TMTC4: variants seen among roughly 807,000 people sequenced by gnomAD.
The protein encoded by TMTC4 is transmembrane O-mannosyltransferase targeting cadherins 4.
In TMTC4, 65 loss-of-function variants were observed where a neutral mutation model predicts 86.0. The ratio of observed to expected loss-of-function variants is 0.76; its 90% CI spans 0.62 to 0.93. The LOEUF is 0.93. Among genes scored for constraint, TMTC4 ranks in the 40% least tolerant of loss-of-function variants. The pLI is 0.00. For missense variants in TMTC4, 866 were observed against 948.1 expected (o/e 0.91, Z 1.14); for synonymous variants, 379 against 382.5 (o/e 0.99, Z 0.11).
chr13:100,630,863 T>G (rs1308775292), intron 12 of TMTC4, among the ~76,000 whole-genome samples: 1 of 152,218 alleles, frequency 6.6e-6, no homozygotes, highest in African/African-American at 2.4e-5. Flanking sequence ...CGTGGGACTC[T>G]GGAACAGGAA....
chr13:100,656,542 C>CATTTTTTTTTTTTTTTTTT, intron 5 of TMTC4, 74 bp from the exon 6 acceptor site: 2 of 384,138 alleles, frequency 5.2e-6, no homozygotes, highest in Non-Finnish European at 8.4e-6. Context: ...GGAGACATAA[C>CATTTTTTTTTTTTTTTTTT]TTTTTTTTTT....
At chr13:100,653,446 G>A (rs1447444132) in intron 6 of TMTC4, among the ~76,000 whole-genome samples, 2 of 152,266 alleles carry the variant, frequency 1.3e-5, no homozygotes, top group African/African-American at 4.8e-5. Flanking sequence ...GGTGGACGGG[G>A]ATAGGCATCC....
chr13:100,660,032 T>C (rs985379483), intron 5 of TMTC4, among the ~76,000 whole-genome samples: 1 of 151,160 alleles, frequency 6.6e-6, no homozygotes, highest in African/African-American at 2.4e-5. Flanking sequence ...AATGTTAATA[T>C]AAAGAAATTC....
At chr13:100,670,336 G>A (rs768868705) in intron 2 of TMTC4, 24 bp downstream of exon 2, 30 of 1,607,882 alleles carry the variant, frequency 1.9e-5, no homozygotes, top group Non-Finnish European at 2.3e-5. Flanking sequence ...GATGGAGACA[G>A]ATCCAACAGG....
chr13:100,660,253 C>T (rs544520077), intron 5 of TMTC4, among the ~76,000 whole-genome samples: 309 of 151,164 alleles, frequency 2.0e-3, no homozygotes, highest in Non-Finnish European at 3.9e-3. Flanking sequence ...ATCACTTGAA[C>T]CTGGGAGGTG....
Position 100,663,052 on chromosome 13 carries a change from G to A in TMTC4, c.464C>T (p.Thr155Ile). The part of the protein sequence containing the change: ...FSVLFGGLQY[T>I]SKGRRLHLAP... Reference sequence around the variant, plus strand: ...GAGGTGCAGCCTCCGGCCTTTACTGGTGTACTGCAGGCCGCCAAACAGAAC... The same window carrying A: ...GAGGTGCAGCCTCCGGCCTTTACTGATGTACTGCAGGCCGCCAAACAGAAC... The change falls in exon 5 of 19, where the codon ACC (threonine) becomes ATC (isoleucine). Residue 155 changes from threonine (T) to isoleucine (I), a missense_variant. Coordinates refer to ENST00000342624, the MANE Select transcript of TMTC4 (RefSeq NM_032813.5). The A allele has an allele frequency of 1.2e-6, 2 of 1,614,224 alleles. No homozygotes were observed. Among genetic ancestry groups the A allele is most frequent in the Non-Finnish European group, 1.7e-6 (2 of 1,180,042 alleles).
At chr13:100,673,369 T>C (rs1269456952) in intron 1 of TMTC4, 1 of 985,140 alleles carries the variant, frequency 1.0e-6, no homozygotes, top group Non-Finnish European at 1.2e-6. Flanking sequence ...AATATTCCCC[T>C]CCATGCATCC....
intron 5 of TMTC4, among the ~76,000 whole-genome samples, chr13:100,657,255 C>G (rs1221987580): frequency 1.3e-5 from 2 of 152,206 alleles, no homozygotes; most frequent in African/African-American, 4.8e-5. Flanking sequence ...AGCCGTCCTG[C>G]CGATAGAAAA....
At chr13:100,615,751 C>T (rs1180555740) in intron 15 of TMTC4, among the ~76,000 whole-genome samples, 5 of 152,210 alleles carry the variant, frequency 3.3e-5, no homozygotes, top group Admixed American at 6.5e-5. Flanking sequence ...CCGCACTCGG[C>T]CTTCAACTTT....
In TMTC4 at chr13:100,670,351, G is replaced by A. The variant is rs541900231; in HGVS notation, c.3+9C>T. The A allele has an allele frequency of 4.1e-5, 66 of 1,609,022 alleles. No homozygotes were observed. In the African/African-American group the frequency reaches 4.5e-4, roughly 11 times the overall value. ...GATGGAGACAGATCCAACAGGCAAC[G>A]GGACACACCATTCCATGGTGATGCT... On this transcript the variant is annotated intron_variant, in intron 2 of 18. Transcript: ENST00000342624.
At chr13:100,637,815 A>G in intron 8 of TMTC4, 113 bp from the exon 9 acceptor site, 1 of 1,540,972 alleles carries the variant, frequency 6.5e-7, no homozygotes, top group Non-Finnish European at 8.8e-7. Flanking sequence ...CTGTGCTTTA[A>G]AAGGCTGGTT....
chr13:100,673,929 T>G (rs1258717432), intron 1 of TMTC4: 15 of 658,478 alleles, frequency 2.3e-5, no homozygotes, highest in East Asian at 2.7e-4. Context: ...ATGCATTTAT[T>G]TGCTCTCCCG....
chr13:100,640,486 C>T (rs1221704207), intron 7 of TMTC4, among the ~76,000 whole-genome samples: 1 of 152,064 alleles, frequency 6.6e-6, no homozygotes, highest in Admixed American at 6.5e-5. Context: ...TAATTTTTGC[C>T]TTGACTTGTA....
intron 2 of TMTC4, 120 bp downstream of exon 2, chr13:100,670,240 C>T: frequency 8.9e-7 from 1 of 1,126,102 alleles, no homozygotes; most frequent in South Asian, 1.6e-5. Flanking sequence ...TAAGTGGATA[C>T]CCCAGATTAT....
intron 3 of TMTC4, 120 bp from the exon 4 acceptor site, chr13:100,664,456 G>T: frequency 1.6e-6 from 1 of 624,466 alleles, no homozygotes. Flanking sequence ...TGCCCAACAT[G>T]TTCTCTATGT....
At chr13:100,660,576 G>A (rs1178571308) in intron 5 of TMTC4, among the ~76,000 whole-genome samples, 2 of 151,974 alleles carry the variant, frequency 1.3e-5, no homozygotes, top group South Asian at 2.1e-4. Flanking sequence ...CTGGCTCCTC[G>A]GTGTTGGTCA....
rs1878137842 is a variant in TMTC4 at position 100,614,378 on chromosome 13, G to A, written c.1889C>T (p.Thr630Ile). The change falls in exon 16 of 19, where the codon ACC becomes ATC. Residue 630 changes from threonine to isoleucine, a missense_variant. Thr to Ile is a moderately conservative substitution (Grantham distance 89). Coordinates refer to ENST00000342624, the MANE Select transcript of TMTC4 (RefSeq NM_032813.5). ...CAGGCTGTGCTCTGGTTTCAGCACG[G>A]TGGCATTTCTCCACGCATTCAAGGC... ...VDALNAWRNATVLKPEHSLAW... is the reference protein window; with the variant it reads ...VDALNAWRNAIVLKPEHSLAW... The A allele has an allele frequency of 3.1e-6, 5 of 1,613,510 alleles. No individual in the cohort carries two copies. Among genetic ancestry groups the A allele is most frequent in the Non-Finnish European group, 3.4e-6 (4 of 1,179,946 alleles).
Position 100,614,347 on chromosome 13 carries a change from C to G in TMTC4, c.1920G>C (p.Trp640Cys). The G allele has an allele frequency of 6.2e-7, 1 of 1,613,780 alleles. No homozygotes were observed. The highest frequency in any genetic ancestry group is 8.5e-7 in the Non-Finnish European group (1 of 1,179,940). The change falls in exon 16 of 19, where the codon TGG becomes TGC. Residue 640 changes from tryptophan (W) to cysteine (C), a missense_variant. Coordinates refer to ENST00000342624, the MANE Select transcript of TMTC4 (RefSeq NM_032813.5). ...TGTCGAGGAGTATAATCATGTTGTTCCAGGCCAGGCTGTGCTCTGGTTTCA... is the reference window on the plus strand; with the variant it reads ...TGTCGAGGAGTATAATCATGTTGTTGCAGGCCAGGCTGTGCTCTGGTTTCA... ...TVLKPEHSLAWNNMIILLDNT... is the reference protein window; with the variant it reads ...TVLKPEHSLACNNMIILLDNT...
In TMTC4 at chr13:100,625,798, C is replaced by A; in HGVS notation, c.1681G>T (p.Ala561Ser). ...LQEAEELLSLAVQIQPDFAAA... is the reference protein window; with the variant it reads ...LQEAEELLSLSVQIQPDFAAA... Reference sequence around the variant, plus strand: ...AACAATGCTTACTGTATTTGAACAGCCAAAGACAGCAGCTCCTCAGCTTCC... The same window carrying A: ...AACAATGCTTACTGTATTTGAACAGACAAAGACAGCAGCTCCTCAGCTTCC... Residue 561 changes from alanine to serine, a missense_variant, in exon 14 of 19, where the codon GCT becomes TCT. Physicochemically the swap from Ala to Ser is moderately conservative, Grantham distance 99 (BLOSUM62 1). Transcript: ENST00000342624. 6.2e-7 allele frequency: 1 copy of A among 1,613,590 alleles called. No individual in the cohort carries two copies. The highest frequency in any genetic ancestry group is 8.5e-7 in the Non-Finnish European group (1 of 1,179,956).
Sources: gnomAD v4.1 joint callset for allele counts (sites outside exome capture counted in the v4.1 genomes callset) on GRCh38, gnomAD v4.1.1 for gene constraint, MANE v1.5 for transcripts, NCBI Gene and HGNC (gene_info 2026-07-23, HGNC 2026-07-21) for gene names.